Variants in RNF180 observed in about 807,000 individuals in gnomAD.
RNF180 encodes E3 ubiquitin-protein ligase RNF180.
RNF180 carries 38 observed loss-of-function variants against 59.2 expected under a neutral mutation model. That is an observed-to-expected ratio of 0.64 (90% CI 0.50 to 0.84). The LOEUF (loss-of-function observed/expected upper bound fraction) is 0.84, where lower values mean the gene tolerates loss of function less well. Among genes scored for constraint, RNF180 ranks in the 40% least tolerant of loss-of-function variants. RNF180 has a pLI of 0.00. For synonymous variants in RNF180, 262 were observed against 240.3 expected, an observed-to-expected ratio of 1.09 and a Z score of -0.84; for missense variants, 705 against 700.9, an observed-to-expected ratio of 1.01 and a Z score of -0.07.
chr5:64,363,820 T>C (rs948213622), intron 7 of RNF180, among the ~76,000 whole-genome samples: 1 of 151,902 alleles, frequency 6.6e-6, no homozygotes, highest in Non-Finnish European at 1.5e-5. Context: ...TTAGCTGTAT[T>C]CCTGGGTATT....
At position 64,349,586 on chromosome 5, in the gene RNF180, C is replaced by A. The variant is rs191166002; in HGVS notation, c.1579+19180C>A. Among the ~76,000 whole-genome samples the A allele has an allele frequency of 1.5e-3, 224 of 151,238 alleles. 1 individual carries two copies. The highest frequency in any genetic ancestry group is 5.2e-3 in the African/African-American group (215 of 41,380). On this transcript the variant is annotated intron_variant, in intron 7 of 7. Coordinates refer to ENST00000389100, the MANE Select transcript of RNF180 (RefSeq NM_001113561.2). Reference sequence around the variant, plus strand: ...CTAATATGCTATCTCTCCCCCCTTGCCCCCCACCACACCATGACAGGCCCC... The same window carrying A: ...CTAATATGCTATCTCTCCCCCCTTGACCCCCACCACACCATGACAGGCCCC...
At chr5:64,300,959 A>C (rs916802319) in intron 5 of RNF180, among the ~76,000 whole-genome samples, 3 of 151,642 alleles carry the variant, frequency 2.0e-5, no homozygotes, top group African/African-American at 7.3e-5. Flanking sequence ...AAAAATTGCT[A>C]CTGTATGCCC....
At chr5:64,271,512 A>G (rs556320358) in intron 5 of RNF180, among the ~76,000 whole-genome samples, 1 of 152,198 alleles carries the variant, frequency 6.6e-6, no homozygotes, top group African/African-American at 2.4e-5. Flanking sequence ...AGGCTATATC[A>G]TATATCCTAG....
chr5:64,284,730 G>C (rs563414498), intron 5 of RNF180, among the ~76,000 whole-genome samples: 89 of 152,188 alleles, frequency 5.8e-4, no homozygotes, highest in African/African-American at 2.0e-3. Context: ...CTATTTTATT[G>C]TATTTCTTAG....
At chr5:64,331,408 C>T (rs1208039200) in intron 7 of RNF180, among the ~76,000 whole-genome samples, 1 of 152,138 alleles carries the variant, frequency 6.6e-6, no homozygotes. Context: ...CTATGGCCAC[C>T]CATGAACCAG....
rs777434556 is a variant in RNF180 at position 64,213,638 on chromosome 5, A to G, written c.312A>G (p.Lys104=). 3.7e-6 allele frequency: 6 copies of G among 1,614,024 alleles called. No homozygotes were observed. Among genetic ancestry groups the G allele is most frequent in the African/African-American group, 1.3e-5 (1 of 74,914 alleles). Residue 104 remains lysine (K), a synonymous_variant, in exon 4 of 8, where the codon AAA becomes AAG. Coordinates refer to ENST00000389100, the MANE Select transcript of RNF180 (RefSeq NM_001113561.2). ...LGGFNFVSTP[K]CSCGQLAAVH... is the part of the protein sequence containing the mutation. ...GCTTTAATTTTGTCAGCACTCCAAA[A>G]TGTTCCTGTGGCCAGCTTGCAGCTG...
chr5:64,260,855 G>A (rs1744296941), intron 5 of RNF180, among the ~76,000 whole-genome samples: 1 of 151,878 alleles, frequency 6.6e-6, no homozygotes, highest in South Asian at 2.1e-4. Context: ...TTAGCACAAT[G>A]CTTTCCACAT....
chr5:64,309,282 C>T (rs1743631665), intron 5 of RNF180, among the ~76,000 whole-genome samples: 1 of 151,650 alleles, frequency 6.6e-6, no homozygotes, highest in African/African-American at 2.4e-5. Flanking sequence ...TAATTTTCCA[C>T]CTACTATATT....
chr5:64,284,174 A>C (rs1026089940), intron 5 of RNF180, among the ~76,000 whole-genome samples: 23 of 152,120 alleles, frequency 1.5e-4, no homozygotes, highest in Non-Finnish European at 2.9e-4. Flanking sequence ...GGCATGTTGA[A>C]TATAAGCCCC....
chr5:64,344,055 AGAGCAGCCAAACTG>A (rs1745461020), intron 7 of RNF180, among the ~76,000 whole-genome samples: 1 of 151,938 alleles, frequency 6.6e-6, no homozygotes. Context: ...GACATCATCT[AGAGCAGCCAAACTG>A]CTGAAACCCA....
At chr5:64,270,612 G>A (rs1406750625) in intron 5 of RNF180, among the ~76,000 whole-genome samples, 1 of 152,136 alleles carries the variant, frequency 6.6e-6, no homozygotes, top group Non-Finnish European at 1.5e-5. Context: ...GAGACTCAGA[G>A]AGGTTGAGTA....
chr5:64,167,716 A>T (rs1749724005), intron 1 of RNF180, among the ~76,000 whole-genome samples: 1 of 152,190 alleles, frequency 6.6e-6, no homozygotes, highest in South Asian at 2.1e-4. Flanking sequence ...ATTAAGGAGC[A>T]TAAAGATTAA....
At chr5:64,298,449 C>CAT (rs1284696810) in intron 5 of RNF180, among the ~76,000 whole-genome samples, 7 of 151,944 alleles carry the variant, frequency 4.6e-5, no homozygotes, top group African/African-American at 1.4e-4. Flanking sequence ...CAATTTTCTG[C>CAT]ATATGGCTAG....
chr5:64,362,897 G>A lies in RNF180; in HGVS notation c.1580-6718G>A, dbSNP rs538286937. ...ATATGTATGTCTTCTTTTCAAGAAT[G>A]TCTGTTCATGTCCTTTGCCCACTTT... is the stretch of plus-strand genomic sequence containing the variant. On this transcript the variant is annotated intron_variant, in intron 7 of 7. Coordinates refer to ENST00000389100, the MANE Select transcript of RNF180 (RefSeq NM_001113561.2). Among the ~76,000 whole-genome samples, 5 of 142,286 alleles carry A rather than the reference G, an allele frequency of 3.5e-5. No individual in the cohort carries two copies. The South Asian group carries it at 8.3e-4, about 24-fold the overall frequency. The allele number at this position is 142,286 out of a possible 152,430, so 93.3% of individuals were successfully genotyped here.
At chr5:64,289,867 G>GT (rs914690632) in intron 5 of RNF180, among the ~76,000 whole-genome samples, 2 of 151,520 alleles carry the variant, frequency 1.3e-5, no homozygotes, top group Non-Finnish European at 2.9e-5. Context: ...TTTTTGAAAG[G>GT]TTTTTTTTAT....
chr5:64,290,195 G>A (rs988969170), intron 5 of RNF180, among the ~76,000 whole-genome samples: 4 of 152,166 alleles, frequency 2.6e-5, no homozygotes, highest in African/African-American at 9.7e-5. Context: ...GTGTGGTTTT[G>A]AGTGAATGTC....
intron 5 of RNF180, among the ~76,000 whole-genome samples, chr5:64,223,789 C>T (rs1561200528): frequency 6.6e-6 from 1 of 151,938 alleles, no homozygotes; most frequent in African/African-American, 2.4e-5. Flanking sequence ...TACTCTTTGC[C>T]AGAAACTGTG....
chr5:64,340,101 GTTAA>G (rs1471126020), intron 7 of RNF180, among the ~76,000 whole-genome samples: 1 of 151,980 alleles, frequency 6.6e-6, no homozygotes, highest in Non-Finnish European at 1.5e-5. Flanking sequence ...TCTATGCTAT[GTTAA>G]TTTATTCCCT....
At chr5:64,173,404 C>G (rs1374472854) in intron 1 of RNF180, among the ~76,000 whole-genome samples, 1 of 152,068 alleles carries the variant, frequency 6.6e-6, no homozygotes, top group Non-Finnish European at 1.5e-5. Context: ...TGTTCTGATA[C>G]ATGTATATGT....
Sources: allele counts gnomAD v4.1 joint callset (sites outside exome capture counted in the v4.1 genomes callset), GRCh38; gene constraint gnomAD v4.1.1; transcripts MANE v1.5; gene names NCBI Gene and HGNC (gene_info 2026-07-23, HGNC 2026-07-21).